Variants in TC2N observed in about 807,000 individuals in gnomAD.
TC2N encodes the protein tandem C2 domains, nuclear, also known as tandem C2 domains nuclear protein.
A neutral mutation model predicts 61.9 loss-of-function variants in TC2N; 51 were observed. The observed-to-expected ratio is 0.82, with a 90% confidence interval of 0.66 to 1.04. The LOEUF is 1.04. Ranked by LOEUF, TC2N falls within the 50% of genes least tolerant of loss-of-function variation. TC2N has a pLI of 0.00. For missense variants in TC2N, 556 were observed against 566.7 expected (o/e 0.98, Z 0.19); for synonymous variants, 204 against 192.6 (o/e 1.06, Z -0.49).
At chr14:91,813,615 G>T in intron 2 of TC2N, 88 bp downstream of exon 2, 1 of 914,334 alleles carries the variant, frequency 1.1e-6, no homozygotes, top group Non-Finnish European at 1.7e-6. Flanking sequence ...CTAAGAAGTT[G>T]GAAAACATGC....
intron 1 of TC2N, chr14:91,836,306 C>G (rs1007356445): frequency 2.6e-5 from 4 of 152,138 alleles, no homozygotes; most frequent in Non-Finnish European, 4.4e-5. Context: ...GTCCCGCCGC[C>G]CTCCTCCGGG....
chr14:91,813,578 T>C (rs1886872370), intron 2 of TC2N, 125 bp downstream of exon 2: 3 of 635,802 alleles, frequency 4.7e-6, no homozygotes, highest in African/African-American at 1.8e-5. Context: ...GAATATTTAC[T>C]TAGTGTGCCT....
At chr14:91,851,490 T>C (rs973105601) in intron 1 of TC2N, among the ~76,000 whole-genome samples, 4 of 152,192 alleles carry the variant, frequency 2.6e-5, no homozygotes, top group African/African-American at 9.7e-5. Context: ...AAGTGGCCAG[T>C]GCTCTAGAGC....
intron 1 of TC2N, among the ~76,000 whole-genome samples, chr14:91,830,016 C>T (rs1422524595): frequency 6.6e-6 from 1 of 152,128 alleles, no homozygotes; most frequent in Non-Finnish European, 1.5e-5. Flanking sequence ...CCACTTCACA[C>T]ACACTAATCA....
intron 1 of TC2N, among the ~76,000 whole-genome samples, chr14:91,835,121 T>C (rs1393778819): frequency 7.9e-5 from 12 of 152,188 alleles, no homozygotes; most frequent in Admixed American, 7.9e-4. Context: ...ATGAAGTCAA[T>C]AAAATACAAG....
intron 1 of TC2N, among the ~76,000 whole-genome samples, chr14:91,834,821 A>G (rs1027952400): frequency 6.6e-6 from 1 of 152,004 alleles, no homozygotes; most frequent in Non-Finnish European, 1.5e-5. Context: ...GTCTCTACCC[A>G]TCGCTTAATG....
intron 10 of TC2N, among the ~76,000 whole-genome samples, chr14:91,785,667 A>G (rs1454957138): frequency 6.6e-6 from 1 of 152,144 alleles, no homozygotes; most frequent in Non-Finnish European, 1.5e-5. Flanking sequence ...ACTGAAAAGG[A>G]TCACACTAAA....
chr14:91,860,631 C>T lies in TC2N; in HGVS notation c.-57+6631G>A, dbSNP rs1888571891. 3.3e-5 allele frequency among the ~76,000 whole-genome samples: 5 copies of T among 152,290 alleles called. No individual in the cohort carries two copies. The South Asian group carries it at 1.0e-3, about 32-fold the overall frequency. ...TCAACTTTTATCCCTTCCTGACATA[C>T]ACACACACATCCTTGTATCCTCTGT... On this transcript the variant is annotated intron_variant, in intron 1 of 11. Transcript: ENST00000435962.
rs760271460 is a variant in TC2N, at chr14:91,792,538, C to T, written c.876G>A (p.Thr292=). 10 of 1,555,404 alleles carry T rather than the reference C, an allele frequency of 6.4e-6. No individual in the cohort carries two copies. The highest frequency in any genetic ancestry group is 5.0e-5 in the South Asian group (4 of 80,612). The change falls in exon 9 of 12, where the codon ACG becomes ACA. Residue 292 remains threonine, a synonymous_variant. Coordinates refer to ENST00000435962, the MANE Select transcript of TC2N (RefSeq NM_001128596.3). ...TTTGAAGTTTAATAGCAAATACAAA[C>T]GTTTCCATAAATTCAATAGCCTTAA... ...EGSNAIEFME[T]FVFAIKLQNL... is the part of the protein sequence containing the mutation.
intron 3 of TC2N, among the ~76,000 whole-genome samples, chr14:91,803,380 TACACACAC>T (rs57274606): frequency 1.4e-5 from 2 of 145,460 alleles, no homozygotes; most frequent in East Asian, 2.0e-4. Flanking sequence ...CATACATATA[TACACACAC>T]ACACACACAC....
At chr14:91,804,662 T>C (rs1649302004) in intron 3 of TC2N, among the ~76,000 whole-genome samples, 2 of 152,040 alleles carry the variant, frequency 1.3e-5, no homozygotes, top group African/African-American at 2.4e-5. Flanking sequence ...AACAAAAGAA[T>C]ACAGACTGAA....
intron 5 of TC2N, among the ~76,000 whole-genome samples, 166 bp from the exon 6 acceptor site, chr14:91,799,230 C>T (rs1383561137): frequency 1.3e-5 from 2 of 149,522 alleles, no homozygotes; most frequent in African/African-American, 5.0e-5. Flanking sequence ...AAAAAAAAAG[C>T]TTTTGGCATT....
intron 1 of TC2N, among the ~76,000 whole-genome samples, chr14:91,854,235 A>C (rs1888433811): frequency 6.6e-6 from 1 of 152,130 alleles, no homozygotes; most frequent in Non-Finnish European, 1.5e-5. Flanking sequence ...GCTTAAACAC[A>C]GATAATCTTG....
At chr14:91,801,221 C>T (rs1285051162) in intron 4 of TC2N, among the ~76,000 whole-genome samples, 1 of 151,912 alleles carries the variant, frequency 6.6e-6, no homozygotes, top group Non-Finnish European at 1.5e-5. Flanking sequence ...TTTCCCATCA[C>T]ACCATGAGTT....
intron 1 of TC2N, among the ~76,000 whole-genome samples, chr14:91,845,709 G>C (rs1381142182): frequency 6.6e-6 from 1 of 152,184 alleles, no homozygotes; most frequent in East Asian, 1.9e-4. Context: ...CAGGACCTAA[G>C]GTAGCCCAGA....
At chr14:91,834,988 A>G (rs1320392499) in intron 1 of TC2N, among the ~76,000 whole-genome samples, 4 of 152,230 alleles carry the variant, frequency 2.6e-5, no homozygotes, top group African/African-American at 7.2e-5. Flanking sequence ...CAATATATCT[A>G]TTGGTATATA....
chr14:91,846,931 A>G (rs993675744), intron 1 of TC2N, among the ~76,000 whole-genome samples: 3 of 152,172 alleles, frequency 2.0e-5, no homozygotes, highest in Non-Finnish European at 2.9e-5. Flanking sequence ...TTCAGCCCCA[A>G]ATAAATAACA....
At chr14:91,843,108 G>A (rs943794525) in intron 1 of TC2N, among the ~76,000 whole-genome samples, 27 of 152,158 alleles carry the variant, frequency 1.8e-4, no homozygotes, top group African/African-American at 6.3e-4. Flanking sequence ...GACTTCCCTG[G>A]GCCAGCCAGC....
At chr14:91,788,497 T>A (rs541239651) in intron 9 of TC2N, among the ~76,000 whole-genome samples, 1 of 152,306 alleles carries the variant, frequency 6.6e-6, no homozygotes. Context: ...GGGCTCAGCA[T>A]AGACAGACAC....
Sources: allele counts gnomAD v4.1 joint callset (sites outside exome capture counted in the v4.1 genomes callset), GRCh38; gene constraint gnomAD v4.1.1; transcripts MANE v1.5; gene names NCBI Gene and HGNC (gene_info 2026-07-23, HGNC 2026-07-21).